Variants in RBFOX1 observed in about 807,000 individuals in gnomAD.
RBFOX1 encodes the protein RNA binding protein fox-1 homolog 1.
In RBFOX1, 8 loss-of-function variants were observed where a neutral mutation model predicts 57.7. That is an observed-to-expected ratio of 0.14 (90% confidence interval 0.08 to 0.25). The LOEUF (loss-of-function observed/expected upper bound fraction) is 0.25, where lower values mean the gene tolerates loss of function less well. Among genes scored for constraint, RBFOX1 ranks in the 10% least tolerant of loss-of-function variants. RBFOX1 has a pLI of 1.00. For missense variants in RBFOX1, 611 were observed against 548.5 expected, an observed-to-expected ratio of 1.11 and a Z score of -1.14; for synonymous variants, 326 against 222.4, an observed-to-expected ratio of 1.47 and a Z score of -4.15.
chr16:7,075,742 G>A (rs548331393), intron 4 of RBFOX1, among the ~76,000 whole-genome samples: 2 of 151,956 alleles, frequency 1.3e-5, no homozygotes, highest in African/African-American at 2.4e-5. Context: ...CACCACGCTC[G>A]GCTAATTTTT....
intron 2 of RBFOX1, among the ~76,000 whole-genome samples, chr16:5,497,554 A>G (rs1331031280): frequency 1.1e-4 from 16 of 150,750 alleles, no homozygotes; most frequent in Non-Finnish European, 1.5e-5. Context: ...AGGCGGGTGA[A>G]TCACCTGAGG....
intron 3 of RBFOX1, among the ~76,000 whole-genome samples, chr16:6,914,309 C>A (rs569661160): frequency 2.6e-5 from 4 of 152,048 alleles, no homozygotes; most frequent in Non-Finnish European, 4.4e-5. Context: ...CTAGGAGGGA[C>A]CTTAGTGATA....
chr16:5,812,485 G>A (rs1489373158), intron 3 of RBFOX1, among the ~76,000 whole-genome samples: 1 of 146,270 alleles, frequency 6.8e-6, no homozygotes. Flanking sequence ...CAGAGTTGGG[G>A]TCTCACTCTA....
chr16:6,985,757 C>T (rs2090095814), intron 3 of RBFOX1, among the ~76,000 whole-genome samples: 1 of 148,162 alleles, frequency 6.7e-6, no homozygotes, highest in Admixed American at 6.7e-5. Flanking sequence ...TTGCTTGAAC[C>T]CAGGAGGCAG....
intron 3 of RBFOX1, among the ~76,000 whole-genome samples, chr16:6,658,270 C>T (rs919029176): frequency 1.3e-5 from 2 of 150,834 alleles, no homozygotes; most frequent in African/African-American, 2.4e-5. Flanking sequence ...CAGTCTCCCT[C>T]TGTCTCAAAT....
At chr16:7,514,998 C>G (rs2076041848) in intron 4 of RBFOX1, among the ~76,000 whole-genome samples, 1 of 152,154 alleles carries the variant, frequency 6.6e-6, no homozygotes, top group Admixed American at 6.5e-5. Context: ...CTGTGCTTCC[C>G]TGTAAGAGTT....
At chr16:6,371,658 T>C (rs1190339833) in intron 2 of RBFOX1, among the ~76,000 whole-genome samples, 1 of 152,150 alleles carries the variant, frequency 6.6e-6, no homozygotes, top group African/African-American at 2.4e-5. Flanking sequence ...TTCCTTTGAT[T>C]GGAGAGTGGT....
chr16:6,335,170 TCA>T (rs1379826967), intron 2 of RBFOX1, among the ~76,000 whole-genome samples: 1 of 152,208 alleles, frequency 6.6e-6, no homozygotes, highest in African/African-American at 2.4e-5. Flanking sequence ...CAAATGACAC[TCA>T]CACTGGAATG....
chr16:7,203,872 G>A (rs1160673050), intron 4 of RBFOX1, among the ~76,000 whole-genome samples: 2 of 152,226 alleles, frequency 1.3e-5, no homozygotes, highest in South Asian at 2.1e-4. Flanking sequence ...CAGAGAGCCA[G>A]TCCTCAGAAG....
At chr16:6,230,791 A>G (rs1434604147) in intron 1 of RBFOX1, among the ~76,000 whole-genome samples, 1 of 152,234 alleles carries the variant, frequency 6.6e-6, no homozygotes, top group African/African-American at 2.4e-5. Context: ...ACATTTTTAG[A>G]TATGGATACG....
intron 1 of RBFOX1, among the ~76,000 whole-genome samples, chr16:5,443,766 A>T (rs569912504): frequency 6.6e-6 from 1 of 152,316 alleles, no homozygotes; most frequent in South Asian, 2.1e-4. Flanking sequence ...TATCTTAAGG[A>T]TTATCTTGCA....
intron 4 of RBFOX1, among the ~76,000 whole-genome samples, chr16:7,203,883 G>A (rs1373269811): frequency 2.0e-5 from 3 of 152,182 alleles, no homozygotes; most frequent in Non-Finnish European, 4.4e-5. Flanking sequence ...TCCTCAGAAG[G>A]GGCTGAAGTC....
intron 4 of RBFOX1, among the ~76,000 whole-genome samples, chr16:7,364,601 A>C (rs1433479908): frequency 6.6e-6 from 1 of 151,814 alleles, no homozygotes; most frequent in Non-Finnish European, 1.5e-5. Flanking sequence ...AAAAAAAAAA[A>C]ACTTGGATCC....
rs117133413 is a variant in RBFOX1, at chr16:6,800,444, A to G, written c.-16+145794A>G. ...ATAGGCATTGCCTGGGGATCTTGCT[A>G]AATGCAAATTTTGGTTCAATAAGTC... On this transcript the variant is annotated intron_variant, in intron 3 of 15. Transcript: ENST00000550418. Among the ~76,000 whole-genome samples, 1,212 of 152,178 alleles carry G rather than the reference A, an allele frequency of 8.0e-3. 13 individuals are homozygous for G. Among genetic ancestry groups the G allele is most frequent in the Non-Finnish European group, 0.013 (909 of 68,000 alleles).
At chr16:7,028,365 G>A (rs1050463845) in intron 3 of RBFOX1, among the ~76,000 whole-genome samples, 1 of 151,980 alleles carries the variant, frequency 6.6e-6, no homozygotes, top group Non-Finnish European at 1.5e-5. Flanking sequence ...AGATGGGATG[G>A]ATTTTATCTC....
intron 4 of RBFOX1, among the ~76,000 whole-genome samples, chr16:7,383,620 G>C (rs1302741011): frequency 6.6e-6 from 1 of 152,236 alleles, no homozygotes; most frequent in South Asian, 2.1e-4. Context: ...ATATTTGAGA[G>C]CTGAGAATAT....
chr16:7,469,424 T>G (rs1338317647), intron 4 of RBFOX1, among the ~76,000 whole-genome samples: 1 of 152,164 alleles, frequency 6.6e-6, no homozygotes, highest in African/African-American at 2.4e-5. Context: ...CTTCAGACCT[T>G]TGCCTATGAG....
chr16:7,510,415 G>A (rs1229813692), intron 4 of RBFOX1: 16 of 891,454 alleles, frequency 1.8e-5, no homozygotes, highest in Non-Finnish European at 2.0e-5. Flanking sequence ...GTGACACGTA[G>A]CTTGCTGCTT....
chr16:7,123,958 C>T (rs1035269086), intron 4 of RBFOX1, among the ~76,000 whole-genome samples: 10 of 152,264 alleles, frequency 6.6e-5, no homozygotes, highest in African/African-American at 1.4e-4. Context: ...AATGCTACAT[C>T]AGTGACTATT....
Sources: gnomAD v4.1 joint callset for allele counts (sites outside exome capture counted in the v4.1 genomes callset) on GRCh38, gnomAD v4.1.1 for gene constraint, MANE v1.5 for transcripts, NCBI Gene and HGNC (gene_info 2026-07-23, HGNC 2026-07-21) for gene names.